The following RNF138 variants were observed in gnomAD, a reference collection of about 807,000 sequenced individuals.
RNF138 encodes ring finger protein 138.
Under a neutral mutation model 31.0 loss-of-function variants are expected in RNF138, and 12 were observed. That is an observed-to-expected ratio of 0.39 (90% CI 0.25 to 0.63). RNF138 has a LOEUF of 0.63. Ranked by LOEUF, RNF138 falls within the 20% of genes least tolerant of loss-of-function variation. The pLI is 0.52. For missense variants in RNF138, 192 were observed against 300.1 expected (o/e 0.64, Z 2.66); for synonymous variants, 105 against 99.5 (o/e 1.06, Z -0.33).
At chr18:32,115,613 C>T (rs575169609) in intron 4 of RNF138, among the ~76,000 whole-genome samples, 27 of 152,162 alleles carry the variant, frequency 1.8e-4, no homozygotes, top group Admixed American at 3.3e-4. Flanking sequence ...GACGTGGTGG[C>T]GCGTGCCTAT....
intron 6 of RNF138, among the ~76,000 whole-genome samples, chr18:32,126,220 T>C (rs571137284): frequency 6.6e-6 from 1 of 152,354 alleles, no homozygotes; most frequent in South Asian, 2.1e-4. Context: ...ACAGTGAGAC[T>C]GTGTCTCTAG....
rs2040359326 is a variant in RNF138 at position 32,124,821 on chromosome 18, T to C, written c.537T>C (p.Asn179=). The change falls in exon 6 of 8, where the codon AAT becomes AAC. Residue 179 remains asparagine, a synonymous_variant. Coordinates refer to ENST00000261593, the MANE Select transcript of RNF138 (RefSeq NM_016271.5). The part of the protein sequence containing the change: ...RQRLLDHCNS[N]HLFQIVPVTC... ...GTTTACTGGATCACTGTAACAGTAA[T>C]CACCTATTTCAGATAGTTCCTGTGG... 1.3e-6 allele frequency: 2 copies of C among 1,571,460 alleles called. No homozygotes were observed. Among genetic ancestry groups the C allele is most frequent in the Non-Finnish European group, 1.8e-6 (2 of 1,141,236 alleles).
intron 2 of RNF138, 90 bp from the exon 3 acceptor site, chr18:32,111,664 T>C (rs1385276209): frequency 1.9e-6 from 2 of 1,036,026 alleles, no homozygotes; most frequent in Non-Finnish European, 2.8e-6. Flanking sequence ...TTAATATGAA[T>C]ACATATTTAT....
intron 2 of RNF138, among the ~76,000 whole-genome samples, chr18:32,095,204 C>G (rs2039783188): frequency 6.6e-6 from 1 of 152,080 alleles, no homozygotes. Context: ...TGGTCTTATT[C>G]TGTTGTCCAG....
intron 7 of RNF138, among the ~76,000 whole-genome samples, chr18:32,128,113 A>G (rs1250561053): frequency 6.6e-6 from 1 of 152,104 alleles, no homozygotes; most frequent in African/African-American, 2.4e-5. Context: ...ATTATTTCAG[A>G]TTGTCAAATA....
chr18:32,098,008 G>A lies in RNF138; in HGVS notation c.110+5122G>A, dbSNP rs547238746. 1.3e-3 allele frequency among the ~76,000 whole-genome samples: 192 copies of A among 151,146 alleles called. 1 individual carries two copies. Among genetic ancestry groups the A allele is most frequent in the African/African-American group, 4.3e-3 (179 of 41,206 alleles). ...TTGTTTGTTTGTTTGTTTGTTTTGA[G>A]ACAGTCTCACTGTGTTGCCCAGGCT... On this transcript the variant is annotated intron_variant, in intron 2 of 7. Coordinates refer to ENST00000261593, the MANE Select transcript of RNF138 (RefSeq NM_016271.5).
intron 2 of RNF138, among the ~76,000 whole-genome samples, chr18:32,100,468 C>CTTTTTTTTTT (rs754111567): frequency 4.3e-5 from 3 of 69,872 alleles, no homozygotes; most frequent in African/African-American, 5.5e-5. Context: ...ACCCAACTAA[C>CTTTTTTTTTT]TTTTTTTTTT....
At chr18:32,107,358 C>T (rs2040051282) in intron 2 of RNF138, among the ~76,000 whole-genome samples, 1 of 150,496 alleles carries the variant, frequency 6.6e-6, no homozygotes, top group Non-Finnish European at 1.5e-5. Context: ...TCAGCTCAGG[C>T]AGTCCGCCCT....
intron 2 of RNF138, among the ~76,000 whole-genome samples, chr18:32,099,964 A>C (rs1267035543): frequency 6.6e-6 from 1 of 152,226 alleles, no homozygotes; most frequent in Non-Finnish European, 1.5e-5. Context: ...GAATAATTGC[A>C]GCTCTAGTGA....
chr18:32,122,561 C>T (rs1793132408), intron 4 of RNF138: 1 of 152,184 alleles, frequency 6.6e-6, no homozygotes, highest in South Asian at 2.1e-4. Flanking sequence ...CGGTGGCTCA[C>T]ACCTGTAATC....
At chr18:32,095,849 C>T (rs534882998) in intron 2 of RNF138, among the ~76,000 whole-genome samples, 4 of 152,068 alleles carry the variant, frequency 2.6e-5, no homozygotes, top group African/African-American at 9.7e-5. Flanking sequence ...CTTAATAGTC[C>T]GCTGGAGAGA....
At chr18:32,100,028 T>A (rs1463111364) in intron 2 of RNF138, among the ~76,000 whole-genome samples, 1 of 152,196 alleles carries the variant, frequency 6.6e-6, no homozygotes. Flanking sequence ...CTGTCAATTA[T>A]ATCTTTTGGT....
chr18:32,092,678 T>TC (rs1364736515), intron 1 of RNF138, 22 bp from the exon 2 acceptor site: 1 of 703,538 alleles, frequency 1.4e-6, no homozygotes, highest in African/African-American at 1.8e-5. Flanking sequence ...GCGATCCCCC[T>TC]CCCCCCTCCG....
At chr18:32,116,732 T>G (rs11661197) in intron 4 of RNF138, among the ~76,000 whole-genome samples, 64,459 of 150,914 alleles carry the variant, frequency 0.43, 14,988 homozygotes, top group East Asian at 0.64. Flanking sequence ...TTTGATTTTT[T>G]GGGGTGGGGG....
At chr18:32,107,323 T>C (rs2040050325) in intron 2 of RNF138, among the ~76,000 whole-genome samples, 1 of 129,364 alleles carries the variant, frequency 7.7e-6, no homozygotes, top group East Asian at 2.4e-4. Flanking sequence ...GGCATTCCAC[T>C]GTGTTGCCCA....
intron 4 of RNF138, among the ~76,000 whole-genome samples, chr18:32,114,323 C>T (rs1203909057): frequency 6.6e-6 from 1 of 152,080 alleles, no homozygotes; most frequent in East Asian, 1.9e-4. Flanking sequence ...CTGTTTGAGT[C>T]TCATTTCTTT....
rs754554442 is a variant in RNF138 at position 32,111,831 on chromosome 18, G to T, written c.188G>T (p.Arg63Ile). ...CCCCTATGTCGTGGAAATGTGACTA[G>T]AAGAGAGAGAGCATGTCCTGAACGG... ...HCPLCRGNVT[R>I]RERACPERAL... Residue 63 changes from arginine to isoleucine, a missense_variant, in exon 3 of 8, where the codon AGA becomes ATA. Around this residue, in one of 2 missense-constraint regions of RNF138, gnomAD observed 140 missense variants for 251.7 expected, o/e 0.56. Coordinates refer to ENST00000261593, the MANE Select transcript of RNF138 (RefSeq NM_016271.5). 1.4e-5 allele frequency: 23 copies of T among 1,613,806 alleles called. No individual in the cohort carries two copies. The highest frequency in any genetic ancestry group is 1.0e-4 in the Admixed American group (6 of 59,968).
At chr18:32,113,014 C>G (rs1270879226) in intron 3 of RNF138, among the ~76,000 whole-genome samples, 2 of 152,158 alleles carry the variant, frequency 1.3e-5, no homozygotes, top group Non-Finnish European at 2.9e-5. Flanking sequence ...GGAAAACACA[C>G]TCGAGAGATT....
At chr18:32,107,278 G>T (rs556267227) in intron 2 of RNF138, among the ~76,000 whole-genome samples, 2 of 150,782 alleles carry the variant, frequency 1.3e-5, no homozygotes, top group Non-Finnish European at 3.0e-5. Context: ...ACGCTGCCAC[G>T]CCCAGCTAAT....
Sources: gnomAD v4.1 joint callset for allele counts (sites outside exome capture counted in the v4.1 genomes callset) on GRCh38, gnomAD v4.1.1 for gene constraint, gnomAD v4.1.1 regional missense constraint, MANE v1.5 for transcripts, NCBI Gene and HGNC (gene_info 2026-07-23, HGNC 2026-07-21) for gene names.